The following F8 variants were observed in gnomAD, a reference collection of about 807,000 sequenced individuals.
F8 encodes the protein coagulation factor VIII, also known as antihemophilic factor.
A neutral mutation model predicts 140.6 loss-of-function variants in F8; 12 were observed. The observed-to-expected ratio is 0.09, with a 90% CI of 0.05 to 0.14. The LOEUF (loss-of-function observed/expected upper bound fraction) is 0.14. Ranked by LOEUF, F8 falls within the 10% of genes least tolerant of loss-of-function variation. The probability of loss-of-function intolerance (pLI) is 1.00; values close to 1 mark genes in which losing one functional copy is unlikely to be tolerated. For missense variants in F8, 1,354 were observed against 1,720.7 expected, an observed-to-expected ratio of 0.79 and a Z score of 3.77; for synonymous variants, 585 against 614.6, an observed-to-expected ratio of 0.95 and a Z score of 0.71.
chrX:154,944,836 C>A (rs1437778078), intron 13 of F8, among the ~76,000 whole-genome samples: 13 of 111,120 alleles, frequency 1.2e-4, no homozygotes, highest in African/African-American at 3.6e-4. Flanking sequence ...AATACTATGC[C>A]GCCATAAAAA....
chrX:154,979,656 T>C (rs2073506785), intron 6 of F8, among the ~76,000 whole-genome samples: 1 of 111,071 alleles, frequency 9.0e-6, no homozygotes, highest in African/African-American at 3.3e-5. Flanking sequence ...GCAGCAGCAG[T>C]GGTTGTAGGT....
intron 1 of F8, among the ~76,000 whole-genome samples, chrX:155,018,251 A>G (rs782415506): frequency 8.9e-6 from 1 of 112,149 alleles, no homozygotes; most frequent in South Asian, 3.6e-4. Context: ...GATCATGTTG[A>G]GAGGATAAGT....
intron 25 of F8, among the ~76,000 whole-genome samples, chrX:154,854,857 C>T (rs901134287): frequency 1.8e-5 from 2 of 111,639 alleles, no homozygotes; most frequent in Non-Finnish European, 1.9e-5. Flanking sequence ...CCAGGCTGGG[C>T]GCGGTGGCTC....
Position 154,953,905 on chromosome X carries a change from G to A in F8, c.1890C>T (p.Ser630=). ...TGCTTTACTCACTGTGCATGATGTT[G>A]GAGGCTTGGAACTCTGGATCCTCAA... The part of the protein sequence containing the change: ...VQLEDPEFQA[S]NIMHSINGYV... Residue 630 remains serine, a synonymous_variant, in exon 12 of 26, where the codon TCC becomes TCT. Transcript: ENST00000360256. 8.3e-7 allele frequency: 1 copy of A among 1,211,638 alleles called. No individual in the cohort carries two copies. The highest frequency in any genetic ancestry group is 1.1e-6 in the Non-Finnish European group (1 of 895,471).
At chrX:154,967,157 A>AC (rs1557282118) in intron 7 of F8, among the ~76,000 whole-genome samples, 1 of 110,093 alleles carries the variant, frequency 9.1e-6, no homozygotes. Flanking sequence ...TCCCCTAAGT[A>AC]CCCCCCCTTT....
chrX:154,839,726 T>C (rs2072505898), intron 25 of F8, among the ~76,000 whole-genome samples: 1 of 111,759 alleles, frequency 8.9e-6, no homozygotes. Flanking sequence ...CTTTGTAGCA[T>C]TCAGTATCTT....
intron 25 of F8, among the ~76,000 whole-genome samples, chrX:154,845,766 A>G (rs1244915088): frequency 1.8e-5 from 2 of 111,211 alleles, no homozygotes; most frequent in Admixed American, 9.6e-5. Context: ...TTGATTTTTT[A>G]AAGGGTTTTT....
At chrX:154,921,820 A>G (rs1406435759) in intron 14 of F8, among the ~76,000 whole-genome samples, 1 of 102,754 alleles carries the variant, frequency 9.7e-6, no homozygotes, top group Non-Finnish European at 2.0e-5. Flanking sequence ...ATAGGTGGGA[A>G]TTGAACAATG....
intron 14 of F8, among the ~76,000 whole-genome samples, chrX:154,911,259 C>T (rs1174154704): frequency 1.9e-5 from 2 of 107,841 alleles, no homozygotes; most frequent in East Asian, 5.9e-4. Context: ...TCCCACCTGA[C>T]GAGAAACACC....
chrX:154,977,784 T>G (rs1402400399), intron 6 of F8, among the ~76,000 whole-genome samples: 1 of 110,729 alleles, frequency 9.0e-6, no homozygotes, highest in African/African-American at 3.3e-5. Context: ...GCCTTCTTTA[T>G]CTAGATGTCT....
rs1557287573 is a variant in F8, at chrX:155,022,399, C to T, written c.143+11G>A. The T allele has an allele frequency of 2.5e-6, 3 of 1,208,574 alleles. No homozygotes were observed. The highest frequency in any genetic ancestry group is 4.3e-5 in the Admixed American group (2 of 46,008). On this transcript the variant is annotated intron_variant, in intron 1 of 25. Transcript: ENST00000360256. Reference sequence around the variant, plus strand: ...CTGGCCCCGATCAGACCCTACAGGACATGCCTTTACCTTGCGTCCACAGGC... The same window carrying T: ...CTGGCCCCGATCAGACCCTACAGGATATGCCTTTACCTTGCGTCCACAGGC...
intron 6 of F8, among the ~76,000 whole-genome samples, chrX:154,982,251 T>C (rs782751318): frequency 9.5e-6 from 1 of 105,369 alleles, no homozygotes; most frequent in East Asian, 3.0e-4. Flanking sequence ...ATCGAGACCA[T>C]CCTGGCTAAC....
rs782801180 is a variant in F8 at position 154,902,381 on chromosome X, G to GA, written c.5999-215dup. ...CCACTCCCCTCCCCCCAGGAGATGAGAAACAGGGTGACTGAATTCTTTGAT... is the reference window on the plus strand; with the variant it reads ...CCACTCCCCTCCCCCCAGGAGATGAGAAAACAGGGTGACTGAATTCTTTGAT... On this transcript the variant is annotated intron_variant, in intron 18 of 25. Transcript: ENST00000360256. Among the ~76,000 whole-genome samples the GA allele has an allele frequency of 1.7e-4, 19 of 111,556 alleles. No individual in the cohort carries two copies. The East Asian group carries it at 5.4e-3, about 31-fold the overall frequency.
intron 14 of F8, among the ~76,000 whole-genome samples, chrX:154,925,899 G>C (rs1166734085): frequency 8.9e-6 from 1 of 111,832 alleles, no homozygotes. Context: ...TGAAATGTGA[G>C]GACACGAGAT....
rs1250888250 is a variant in F8, at chrX:155,013,222, TTGAA to T, written c.143+9184_143+9187del. ...GCTGTGTCCCCACCTAAATCTCATC[TTGAA>T]TTGTAGCTCCCACAATCCCCATGTG... On this transcript the variant is annotated intron_variant, in intron 1 of 25. Transcript: ENST00000360256. Among the ~76,000 whole-genome samples, 7 of 110,203 alleles carry T rather than the reference TTGAA, an allele frequency of 6.4e-5. No individual in the cohort carries two copies. The East Asian group carries it at 2.0e-3, about 31-fold the overall frequency.
intron 6 of F8, among the ~76,000 whole-genome samples, chrX:154,982,816 C>T (rs1557283858): frequency 8.9e-6 from 1 of 111,847 alleles, no homozygotes; most frequent in Non-Finnish European, 1.9e-5. Context: ...ACTTGGGACC[C>T]GTATAAAGTG....
chrX:155,001,396 G>A (rs889995113), intron 1 of F8, among the ~76,000 whole-genome samples: 2 of 99,753 alleles, frequency 2.0e-5, no homozygotes, highest in Admixed American at 2.3e-4. Context: ...TCCCGGGTTC[G>A]AGTGATCCTC....
At chrX:154,915,866 G>A (rs1187801587) in intron 14 of F8, among the ~76,000 whole-genome samples, 2 of 111,784 alleles carry the variant, frequency 1.8e-5, no homozygotes, top group South Asian at 3.7e-4. Flanking sequence ...ATGAAAGTGG[G>A]CATGCTTGTC....
intron 1 of F8, among the ~76,000 whole-genome samples, chrX:155,013,108 T>C (rs1206286886): frequency 1.1e-5 from 1 of 89,688 alleles, no homozygotes; most frequent in Non-Finnish European, 2.1e-5. Flanking sequence ...ATCGCACCAC[T>C]GCACTCCAGC....
Sources: allele counts gnomAD v4.1 joint callset (sites outside exome capture counted in the v4.1 genomes callset), GRCh38; gene constraint gnomAD v4.1.1; transcripts MANE v1.5; gene names NCBI Gene and HGNC (gene_info 2026-07-23, HGNC 2026-07-21).